The following PLXNA3 variants were observed in gnomAD, a reference collection of about 807,000 sequenced individuals.
The protein encoded by PLXNA3 is plexin A3, also known as plexin-A3.
PLXNA3 carries 52 observed loss-of-function variants against 118.8 expected under a neutral mutation model. The observed-to-expected ratio is 0.44, with a 90% CI of 0.35 to 0.55. The LOEUF (loss-of-function observed/expected upper bound fraction) is 0.55, where lower values mean the gene tolerates loss of function less well. PLXNA3 is among the 20% of genes least tolerant of loss of function. PLXNA3 has a pLI of 0.01. For synonymous variants in PLXNA3, 925 were observed against 762.4 expected (o/e 1.21, Z -3.51); for missense variants, 1,660 against 1,730.8 (o/e 0.96, Z 0.73).
Position 154,460,662 on chromosome X carries a change from A to C in PLXNA3, c.479A>C (p.Gln160Pro). The C allele has an allele frequency of 8.6e-7, 1 of 1,167,513 alleles. No individual in the cohort carries two copies. The highest frequency in any genetic ancestry group is 2.0e-5 in the South Asian group (1 of 50,784). Residue 160 changes from glutamine to proline, a missense_variant, in exon 2 of 33, where the codon CAG (glutamine) becomes CCG (proline). Physicochemically the swap from Gln to Pro is moderately conservative, Grantham distance 76. Around this residue, in one of 2 missense-constraint regions of PLXNA3, gnomAD observed 791 missense variants for 652.1 expected, o/e 1.21. Transcript: ENST00000369682. ...SMAGVIVEQG[Q>P]GPSKLFVGTA... is the part of the protein sequence containing the mutation. ...GCTGGTGTCATTGTGGAGCAGGGCC[A>C]GGGGCCCAGCAAGCTGTTTGTGGGC...
At chrX:154,466,558 G>T in intron 16 of PLXNA3, 46 bp downstream of exon 16, 1 of 1,193,112 alleles carries the variant, frequency 8.4e-7, no homozygotes, top group South Asian at 1.8e-5. Flanking sequence ...CGTGTGGGGG[G>T]CCGTGGGGAC....
Position 154,465,193 on chromosome X carries a change from G to T in PLXNA3, c.2219G>T (p.Ser740Ile). ...QRVPAVRFNS[S>I]SVQCQNASYS... ...GTGCCTGCCGTGCGCTTCAACAGCA[G>T]CAGTGTGCAGTGCCAGAACGCCTCG... Residue 740 changes from serine (S) to isoleucine (I), a missense_variant, in exon 11 of 33, where the codon AGC becomes ATC. Physicochemically the swap from Ser to Ile is moderately radical, Grantham distance 142. Around this residue, in one of 2 missense-constraint regions of PLXNA3, gnomAD observed 869 missense variants for 1,078.7 expected, o/e 0.81. Coordinates refer to ENST00000369682, the MANE Select transcript of PLXNA3 (RefSeq NM_017514.5). The T allele has an allele frequency of 8.3e-7, 1 of 1,209,161 alleles. No homozygotes were observed. The highest frequency in any genetic ancestry group is 2.8e-4 in the Middle Eastern group (1 of 3,583).
chrX:154,466,590 C>T (rs1048249250), intron 16 of PLXNA3, 33 bp from the exon 17 acceptor site: 6 of 1,191,898 alleles, frequency 5.0e-6, no homozygotes, highest in Non-Finnish European at 5.7e-6. Flanking sequence ...GGCCCTGGGC[C>T]ACCCGCTCCA....
At position 154,460,619 on chromosome X, in the gene PLXNA3, C is replaced by T; in HGVS notation, c.436C>T (p.Gln146Ter). 2.5e-6 allele frequency: 3 copies of T among 1,190,375 alleles called. No individual in the cohort carries two copies. The highest frequency in any genetic ancestry group is 3.4e-6 in the Non-Finnish European group (3 of 883,252). The change falls in exon 2 of 33, where the codon CAG (glutamine) becomes TAG (stop). Residue 146 changes from glutamine to a stop codon, truncating the protein, a stop_gained. Transcript: ENST00000369682. LOFTEE classifies it high-confidence loss of function. ...HRKEHYLSGA[Q>*]EPDSMAGVIV... ...CAAGGAGCACTACCTGTCGGGGGCC[C>T]AGGAGCCCGACTCCATGGCTGGTGT...
rs2069224810 is a variant in PLXNA3, at chrX:154,474,779, T to C, written c.*2094T>C. The stretch of plus-strand genomic sequence containing the variant: ...GGCGTGAGCCACCATGCCTGACCTT[T>C]TTTTTTTTTTTTTTTTTTTTTTTTT... On this transcript the variant is annotated 3_prime_UTR_variant, in exon 33 of 33. Coordinates refer to ENST00000369682, the MANE Select transcript of PLXNA3 (RefSeq NM_017514.5). 3.7e-5 allele frequency: 1 copy of C among 27,103 alleles called. No individual in the cohort carries two copies. The highest frequency in any genetic ancestry group is 1.8e-3 in the East Asian group (1 of 546). 2.2% of individuals were successfully genotyped at this position (27,103 alleles called of 1,213,427 possible). A position where few individuals can be genotyped will look rare whatever the true frequency, so the allele number is the denominator to read the frequency against.
Position 154,469,746 on chromosome X carries a change from C to G in PLXNA3, c.4757C>G (p.Ala1586Gly). ...VPKQVSAYNM[A>G]NSFTFTRSLS... ...AAACAAGTGTCTGCCTATAACATGG[C>G]CAACTCCTTCACCTTCACCCGCTCC... is the stretch of plus-strand genomic sequence containing the variant. The change falls in exon 28 of 33, where the codon GCC becomes GGC. Residue 1586 changes from alanine to glycine, a missense_variant. Transcript: ENST00000369682. The G allele has an allele frequency of 8.3e-7, 1 of 1,210,750 alleles. No homozygotes were observed. Among genetic ancestry groups the G allele is most frequent in the Non-Finnish European group, 1.1e-6 (1 of 894,346 alleles).
chrX:154,469,477 T>C lies in PLXNA3; in HGVS notation c.4693T>C (p.Tyr1565His). Residue 1565 changes from tyrosine (Y) to histidine (H), a missense_variant, in exon 27 of 33, where the codon TAC (tyrosine) becomes CAC (histidine). Transcript: ENST00000369682. Reference sequence around the variant, plus strand: ...GAAGAGGCTCAACTCACTGGCCCACTACCAGGTGAGGGGTTGGGGCCCATT... The same window carrying C: ...GAAGAGGCTCAACTCACTGGCCCACCACCAGGTGAGGGGTTGGGGCCCATT... ...DWKRLNSLAH[Y>H]QVTDGSLVAL... The C allele has an allele frequency of 8.4e-7, 1 of 1,194,645 alleles. No homozygotes were observed. Among genetic ancestry groups the C allele is most frequent in the Non-Finnish European group, 1.1e-6 (1 of 880,757 alleles).
rs2069245705 is a variant in PLXNA3 at position 154,477,702 on chromosome X, C to G, written c.*5017C>G. The G allele has an allele frequency of 1.4e-5, 2 of 145,177 alleles. No homozygotes were observed. The highest frequency in any genetic ancestry group is 1.8e-3 in the Middle Eastern group (1 of 555). The allele number at this position is 145,177 out of a possible 1,213,427, so 12.0% of individuals were successfully genotyped here. A position where few individuals can be genotyped will look rare whatever the true frequency, so the allele number is the denominator to read the frequency against. ...TCCTTGAATATCTGAATTCTAGAAC[C>G]CCCCCCCCAGCAACCCAAGCACAAC... On this transcript the variant is annotated 3_prime_UTR_variant, in exon 33 of 33. Coordinates refer to ENST00000369682, the MANE Select transcript of PLXNA3 (RefSeq NM_017514.5).
rs1557211087 is a variant in PLXNA3 at position 154,477,648 on chromosome X, T to C, written c.*4963T>C. The C allele has an allele frequency of 7.4e-6, 2 of 270,152 alleles. No homozygotes were observed. Among genetic ancestry groups the C allele is most frequent in the Non-Finnish European group, 1.3e-5 (2 of 152,806 alleles). 22.3% of individuals were successfully genotyped at this position (270,152 alleles called of 1,213,427 possible). ...CCAATTGATTTTCATTTTCTTCCAT[T>C]TCCTAAATTGTCTTCAATTTCCTTG... On this transcript the variant is annotated 3_prime_UTR_variant, in exon 33 of 33. Coordinates refer to ENST00000369682, the MANE Select transcript of PLXNA3 (RefSeq NM_017514.5).
In PLXNA3 at chrX:154,460,777, C is replaced by T. The variant is rs6643608; in HGVS notation, c.594C>T (p.Leu198=). The T allele has an allele frequency of 2.6e-4, 285 of 1,086,285 alleles. No individual in the cohort carries two copies. The highest frequency in any genetic ancestry group is 6.7e-4 in the African/African-American group (36 of 54,110). The allele number at this position is 1,086,285 out of a possible 1,213,427, so 89.5% of individuals were successfully genotyped here. ...AAGACAGCGCGGACATGTTCAGTCTCGTGCGTGAGCCTTCCTTCTCTTCTT... is the reference window on the plus strand; with the variant it reads ...AAGACAGCGCGGACATGTTCAGTCTTGTGCGTGAGCCTTCCTTCTCTTCTT... ...SDEDSADMFS[L]VYQDEFVSSQ... Residue 198 remains leucine (L), a splice_region_variant and synonymous_variant, in exon 2 of 33, where the codon CTC becomes CTT. Coordinates refer to ENST00000369682, the MANE Select transcript of PLXNA3 (RefSeq NM_017514.5).
At position 154,465,580 on chromosome X, in the gene PLXNA3, C is replaced by T; in HGVS notation, c.2341+60C>T. ...GCAATTGGCACTGCTGGGGTCGGGT[C>T]TGGGGGCCCTAGTGCTCCCCACTTT... On this transcript the variant is annotated intron_variant, in intron 12 of 32. Transcript: ENST00000369682. 2.6e-6 allele frequency: 3 copies of T among 1,149,125 alleles called. No homozygotes were observed. In the East Asian group the frequency reaches 8.9e-5, roughly 34 times the overall value. The allele number at this position is 1,149,125 out of a possible 1,213,427, so 94.7% of individuals were successfully genotyped here. A position where few individuals can be genotyped will look rare whatever the true frequency, so the allele number is the denominator to read the frequency against.
In PLXNA3 at chrX:154,461,208, T is replaced by C. The variant is rs1557204107; in HGVS notation, c.704T>C (p.Phe235Ser). 2 of 1,212,331 alleles carry C rather than the reference T, an allele frequency of 1.6e-6. No homozygotes were observed. The change falls in exon 3 of 33, where the codon TTC becomes TCC. Residue 235 changes from phenylalanine to serine, a missense_variant. This residue lies in a region of PLXNA3 where 791 missense variants were observed against 652.1 expected (regional missense o/e 1.21). Transcript: ENST00000369682. ...ATCTACGGCTTCGTCAGCGCCTCCTTCGTGTACTTCCTGACGCTGCAGCTG... is the reference window on the plus strand; with the variant it reads ...ATCTACGGCTTCGTCAGCGCCTCCTCCGTGTACTTCCTGACGCTGCAGCTG... Reference protein sequence around the residue: ...YYIYGFVSASFVYFLTLQLDT... With the variant: ...YYIYGFVSASSVYFLTLQLDT...
chrX:154,473,292 G>GGGCC lies in PLXNA3; in HGVS notation c.*608_*611dup, dbSNP rs1371736704. 8.8e-6 allele frequency: 1 copy of GGGCC among 113,085 alleles called. No homozygotes were observed. Among genetic ancestry groups the GGGCC allele is most frequent in the Non-Finnish European group, 1.9e-5 (1 of 53,404 alleles). 9.3% of individuals were successfully genotyped at this position (113,085 alleles called of 1,213,427 possible). On this transcript the variant is annotated 3_prime_UTR_variant, in exon 33 of 33. Transcript: ENST00000369682. ...CACAGGGTCCCCCTCAAGCATCTCG[G>GGGCC]GGCCCTATTCTCTCTGAGCACCTGG... is the stretch of plus-strand genomic sequence containing the variant.
Position 154,468,692 on chromosome X carries a change from C to G in PLXNA3, c.4250C>G (p.Thr1417Ser), listed in dbSNP as rs1326071222. ...RTESVAEKML[T>S]NWFTFLLHKF... Reference sequence around the variant, plus strand: ...GAGTCAGTGGCTGAGAAGATGCTTACCAACTGGTTCACGTTCCTGCTGCAT... The same window carrying G: ...GAGTCAGTGGCTGAGAAGATGCTTAGCAACTGGTTCACGTTCCTGCTGCAT... Residue 1417 changes from threonine (T) to serine (S), a missense_variant, in exon 24 of 33, where the codon ACC becomes AGC. Physicochemically the swap from Thr to Ser is moderately conservative, Grantham distance 58. Coordinates refer to ENST00000369682, the MANE Select transcript of PLXNA3 (RefSeq NM_017514.5). 1 of 1,210,501 alleles carries G rather than the reference C, an allele frequency of 8.3e-7. No individual in the cohort carries two copies. Among genetic ancestry groups the G allele is most frequent in the Non-Finnish European group, 1.1e-6 (1 of 895,315 alleles).
chrX:154,466,284 G>A lies in PLXNA3; in HGVS notation c.2799+14G>A, dbSNP rs782428012. Reference sequence around the variant, plus strand: ...TACAGCTTTGTGGTGCGTGGCTGCCGGCCCTACCCCTTCCTGTCCCTTCTC... The same window carrying A: ...TACAGCTTTGTGGTGCGTGGCTGCCAGCCCTACCCCTTCCTGTCCCTTCTC... On this transcript the variant is annotated intron_variant, in intron 15 of 32. Transcript: ENST00000369682. The A allele has an allele frequency of 4.5e-5, 54 of 1,208,368 alleles. No individual in the cohort carries two copies. Among genetic ancestry groups the A allele is most frequent in the Non-Finnish European group, 5.0e-5 (45 of 895,059 alleles).
chrX:154,468,640 C>T (rs782446233), intron 23 of PLXNA3, 23 bp from the exon 24 acceptor site: 18 of 1,210,586 alleles, frequency 1.5e-5, no homozygotes, highest in Middle Eastern at 4.6e-4. Flanking sequence ...CTGCCAGGCC[C>T]GAGCCCCCTT....
At chrX:154,463,854 C>T (rs1459951827) in intron 6 of PLXNA3, 97 bp from the exon 7 acceptor site, 48 of 1,084,364 alleles carry the variant, frequency 4.4e-5, no homozygotes, top group Non-Finnish European at 4.9e-5. Context: ...CCCCAGGGGA[C>T]GCGGCCAAGG....
rs1340901591 is a variant in PLXNA3 at position 154,477,764 on chromosome X, CAGACTT to C, written c.*5080_*5085del. ...GAGGTGCCCCAGCTGCAAATAAACT[CAGACTT>C]GGAATAGTAGCGCAGTTTTATTTTC... On this transcript the variant is annotated 3_prime_UTR_variant, in exon 33 of 33. Coordinates refer to ENST00000369682, the MANE Select transcript of PLXNA3 (RefSeq NM_017514.5). 25 of 392,927 alleles carry C rather than the reference CAGACTT, an allele frequency of 6.4e-5. No individual in the cohort carries two copies. In the East Asian group the frequency reaches 1.0e-3, roughly 16 times the overall value. 32.4% of individuals were successfully genotyped at this position (392,927 alleles called of 1,213,427 possible). A position where few individuals can be genotyped will look rare whatever the true frequency, so the allele number is the denominator to read the frequency against.
At chrX:154,459,870 C>T (rs1557202977) in intron 1 of PLXNA3, among the ~76,000 whole-genome samples, 1 of 113,303 alleles carries the variant, frequency 8.8e-6, no homozygotes, top group Admixed American at 9.2e-5. Flanking sequence ...TTGCCCCGGG[C>T]TCTGAGATGT....
Sources: allele counts gnomAD v4.1 joint callset (sites outside exome capture counted in the v4.1 genomes callset), GRCh38; gene constraint gnomAD v4.1.1; regional missense constraint gnomAD v4.1.1; transcripts MANE v1.5; gene names NCBI Gene and HGNC (gene_info 2026-07-23, HGNC 2026-07-21).